Variants in OTOGL observed in about 807,000 individuals in gnomAD.
The protein encoded by OTOGL is otogelin like.
A neutral mutation model predicts 318.5 loss-of-function variants in OTOGL; 285 were observed. That is an observed-to-expected ratio of 0.89 (90% CI 0.81 to 0.99). The LOEUF is 0.99. Ranked by LOEUF, OTOGL falls within the 50% of genes least tolerant of loss-of-function variation. The probability of loss-of-function intolerance (pLI) is 0.00; values close to 1 mark genes in which losing one functional copy is unlikely to be tolerated. For synonymous variants in OTOGL, 987 were observed against 936.5 expected (o/e 1.05, Z -0.99); for missense variants, 2,899 against 2,845.6 (o/e 1.02, Z -0.43).
intron 1 of OTOGL, among the ~76,000 whole-genome samples, chr12:80,127,793 T>C (rs935640721): frequency 6.6e-6 from 1 of 152,232 alleles, no homozygotes; most frequent in Non-Finnish European, 1.5e-5. Context: ...ATTTATTTGA[T>C]CTTCCATCAC....
At chr12:80,213,626 G>A (rs192260029) in intron 4 of OTOGL, among the ~76,000 whole-genome samples, 32 of 152,260 alleles carry the variant, frequency 2.1e-4, no homozygotes, top group Admixed American at 7.2e-4. Context: ...TTTGTGTACT[G>A]ATATACTTAA....
Position 80,191,365 on chromosome 12 carries a change from G to A in OTOGL, c.-19-18048G>A, listed in dbSNP as rs537772208. The stretch of plus-strand genomic sequence containing the variant: ...AGACAGGAGAATCGCTTGAACCCAG[G>A]AGGCGGAGGTTGCAGTGAGCCAAGA... On this transcript the variant is annotated intron_variant, in intron 1 of 58. Coordinates refer to ENST00000547103, the MANE Select transcript of OTOGL (RefSeq NM_001378609.3). 5.9e-5 allele frequency among the ~76,000 whole-genome samples: 9 copies of A among 152,308 alleles called. No individual in the cohort carries two copies. In the South Asian group the frequency reaches 1.9e-3, roughly 32 times the overall value.
At chr12:80,137,028 A>C (rs903498892) in intron 1 of OTOGL, among the ~76,000 whole-genome samples, 2 of 152,162 alleles carry the variant, frequency 1.3e-5, no homozygotes, top group Non-Finnish European at 2.9e-5. Flanking sequence ...TCACAGAAAA[A>C]AAAGTGCATT....
chr12:80,236,243 A>G (rs577008636), intron 9 of OTOGL, among the ~76,000 whole-genome samples: 1 of 152,360 alleles, frequency 6.6e-6, no homozygotes, highest in Admixed American at 6.5e-5. Context: ...GTGACAACAT[A>G]GAAGTCCTGG....
intron 29 of OTOGL, among the ~76,000 whole-genome samples, chr12:80,306,808 TA>T (rs1348377681): frequency 5.4e-5 from 8 of 148,864 alleles, no homozygotes; most frequent in African/African-American, 1.7e-4. Context: ...TTATTATTAT[TA>T]TTATTATTAT....
intron 1 of OTOGL, among the ~76,000 whole-genome samples, chr12:80,149,160 G>C (rs1030312033): frequency 1.3e-5 from 2 of 152,104 alleles, no homozygotes; most frequent in African/African-American, 2.4e-5. Flanking sequence ...TTTTTCTGTT[G>C]TGTTTTTTCC....
At chr12:80,183,967 T>C (rs143377848) in intron 1 of OTOGL, among the ~76,000 whole-genome samples, 66 of 152,346 alleles carry the variant, frequency 4.3e-4, no homozygotes, top group African/African-American at 1.5e-3. Flanking sequence ...GACTCTTTTA[T>C]AGAAACTCTT....
At chr12:80,218,765 G>A (rs538052873) in intron 5 of OTOGL, among the ~76,000 whole-genome samples, 16 of 146,274 alleles carry the variant, frequency 1.1e-4, no homozygotes, top group African/African-American at 3.2e-4. Context: ...CAAAATTTAA[G>A]TATAGATTTC....
chr12:80,143,554 G>A (rs1176745124), intron 1 of OTOGL, among the ~76,000 whole-genome samples: 2 of 152,124 alleles, frequency 1.3e-5, no homozygotes, highest in Non-Finnish European at 2.9e-5. Context: ...CTGGAACCCT[G>A]TGGAGTCGTG....
At chr12:80,229,480 T>TCC in intron 8 of OTOGL, 102 bp downstream of exon 8, 3 of 1,388,670 alleles carry the variant, frequency 2.2e-6, no homozygotes, top group African/African-American at 1.4e-5. Flanking sequence ...GAAGAGAGGA[T>TCC]TTCTTCAACA....
At chr12:80,335,827 AT>A (rs1240505199) in intron 38 of OTOGL, 135 bp from the exon 39 acceptor site, 2 of 728,370 alleles carry the variant, frequency 2.7e-6, no homozygotes, top group Non-Finnish European at 4.0e-6. Flanking sequence ...TTGCAGCATA[AT>A]TTTAATTCTT....
intron 17 of OTOGL, among the ~76,000 whole-genome samples, chr12:80,257,280 G>T (rs1237889038): frequency 6.9e-6 from 1 of 145,040 alleles, no homozygotes. Flanking sequence ...AATAAATGGT[G>T]AGTTTTTAAG....
chr12:80,346,791 G>C (rs1349501022), intron 44 of OTOGL, among the ~76,000 whole-genome samples: 1 of 152,172 alleles, frequency 6.6e-6, no homozygotes, highest in Non-Finnish European at 1.5e-5. Flanking sequence ...TGGCATTTGG[G>C]AGACATTTGG....
At chr12:80,345,009 AT>A (rs1241667396) in intron 44 of OTOGL, among the ~76,000 whole-genome samples, 2 of 139,490 alleles carry the variant, frequency 1.4e-5, no homozygotes, top group Admixed American at 7.8e-5. Flanking sequence ...TTTATATATT[AT>A]TATATATTAT....
At chr12:80,200,529 A>G (rs1318519908) in intron 1 of OTOGL, among the ~76,000 whole-genome samples, 1 of 152,222 alleles carries the variant, frequency 6.6e-6, no homozygotes, top group Non-Finnish European at 1.5e-5. Flanking sequence ...AGACTCCTTG[A>G]GCCCTTGGCT....
chr12:80,185,649 C>T (rs558722771), intron 1 of OTOGL, among the ~76,000 whole-genome samples: 1 of 152,234 alleles, frequency 6.6e-6, no homozygotes, highest in Non-Finnish European at 1.5e-5. Context: ...ATAATAATGG[C>T]ATTGCTTCAT....
intron 32 of OTOGL, among the ~76,000 whole-genome samples, chr12:80,315,619 G>A (rs1295235560): frequency 6.6e-6 from 1 of 152,092 alleles, no homozygotes; most frequent in Non-Finnish European, 1.5e-5. Flanking sequence ...AATAGTTACA[G>A]GAAATCTTGG....
chr12:80,313,693 G>A lies in OTOGL; in HGVS notation c.3607+61G>A, dbSNP rs555571526. 13 of 1,371,708 alleles carry A rather than the reference G, an allele frequency of 9.5e-6. 1 individual carries two copies. The South Asian group carries it at 2.1e-4, about 22-fold the overall frequency. 85.0% of individuals were successfully genotyped at this position (1,371,708 alleles called of 1,614,324 possible). A position where few individuals can be genotyped will look rare whatever the true frequency, so the allele number is the denominator to read the frequency against. On this transcript the variant is annotated intron_variant, in intron 31 of 58. Coordinates refer to ENST00000547103, the MANE Select transcript of OTOGL (RefSeq NM_001378609.3). ...ACTGATAAAGAGATACATATTAATTGTTGATTTAGCTTAGAAATAATGCCA... is the reference window on the plus strand; with the variant it reads ...ACTGATAAAGAGATACATATTAATTATTGATTTAGCTTAGAAATAATGCCA...
chr12:80,265,187 T>C lies in OTOGL; in HGVS notation c.2201T>C (p.Phe734Ser). Residue 734 changes from phenylalanine (F) to serine (S), a missense_variant, in exon 20 of 59, where the codon TTC becomes TCC. Around this residue, in one of 3 missense-constraint regions of OTOGL, gnomAD observed 2,607 missense variants for 2,524.9 expected, o/e 1.03. Transcript: ENST00000547103. ...LCGQHGVPID[F>S]RTQISFCAVV... ...GGCCAGCACGGTGTTCCCATTGATTTCAGAACTCAGATTTCTTTCTGTGGT... is the reference window on the plus strand; with the variant it reads ...GGCCAGCACGGTGTTCCCATTGATTCCAGAACTCAGATTTCTTTCTGTGGT... 1 of 1,613,700 alleles carries C rather than the reference T, an allele frequency of 6.2e-7. No homozygotes were observed. The highest frequency in any genetic ancestry group is 1.7e-5 in the Admixed American group (1 of 59,878).
Sources: allele counts gnomAD v4.1 joint callset (sites outside exome capture counted in the v4.1 genomes callset), GRCh38; gene constraint gnomAD v4.1.1; regional missense constraint gnomAD v4.1.1; transcripts MANE v1.5; gene names NCBI Gene and HGNC (gene_info 2026-07-23, HGNC 2026-07-21).